Variants in FBXW10B observed in about 807,000 individuals in gnomAD.
FBXW10B encodes the protein F-box and WD repeat domain containing 10B.
At chr17:15,604,906 C>T in the FBXW10B span, among the ~76,000 whole-genome samples, 4 of 152,236 alleles carry the variant, frequency 2.6e-5, no homozygotes, top group Non-Finnish European at 5.9e-5. Context: ...CCACGTTCCC[C>T]TGAAAGAATC....
the FBXW10B span, chr17:15,613,757 A>AG: frequency 6.2e-7 from 1 of 1,613,678 alleles, no homozygotes; most frequent in East Asian, 2.2e-5. Flanking sequence ...AAAAAAAAAA[A>AG]AGATGGACCC....
the FBXW10B span, chr17:15,607,441 T>C: frequency 8.7e-6 from 6 of 688,488 alleles, no homozygotes; most frequent in Non-Finnish European, 1.2e-5. Flanking sequence ...TGGGATCATG[T>C]GCGAGTTTAG....
At chr17:15,591,071 G>C in the FBXW10B span, among the ~76,000 whole-genome samples, 37 of 151,170 alleles carry the variant, frequency 2.4e-4, no homozygotes, top group South Asian at 7.7e-3. Flanking sequence ...TGTTGTCCTA[G>C]GGCCCAGGTT....
chr17:15,576,050 G>A, the FBXW10B span, among the ~76,000 whole-genome samples: 9 of 152,198 alleles, frequency 5.9e-5, no homozygotes, highest in East Asian at 7.7e-4. Flanking sequence ...TTCCTAGTTC[G>A]GTTAAAATTG....
chr17:15,612,796 T>C, the FBXW10B span: 60 of 1,613,792 alleles, frequency 3.7e-5, no homozygotes, highest in Non-Finnish European at 4.8e-5. Context: ...TTGGCATAAT[T>C]AGGATCAATT....
the FBXW10B span, among the ~76,000 whole-genome samples, chr17:15,602,529 G>A: frequency 6.8e-6 from 1 of 147,064 alleles, no homozygotes; most frequent in African/African-American, 2.5e-5. Flanking sequence ...TGACCTAGAA[G>A]AGGGAAGAAT....
At chr17:15,608,852 A>G in the FBXW10B span, among the ~76,000 whole-genome samples, 1 of 152,200 alleles carries the variant, frequency 6.6e-6, no homozygotes, top group African/African-American at 2.4e-5. Context: ...TGTTCTCATT[A>G]TTTTACAGAT....
the FBXW10B span, among the ~76,000 whole-genome samples, chr17:15,583,009 TA>T: frequency 6.8e-6 from 1 of 147,782 alleles, no homozygotes; most frequent in African/African-American, 2.5e-5. Context: ...TGAGGTGAAT[TA>T]AACAAATGCT....
chr17:15,607,223 T>C, the FBXW10B span, among the ~76,000 whole-genome samples: 2 of 150,344 alleles, frequency 1.3e-5, no homozygotes, highest in African/African-American at 4.9e-5. Context: ...CCTTTCTCTA[T>C]ACATTTTCTG....
chr17:15,572,130 T>G, the FBXW10B span: 1 of 151,054 alleles, frequency 6.6e-6, no homozygotes, highest in Non-Finnish European at 1.5e-5. Flanking sequence ...ACACTTGCAA[T>G]GGGTAAATTT....
At chr17:15,618,850 G>C in the FBXW10B span, 2 of 985,090 alleles carry the variant, frequency 2.0e-6, no homozygotes, top group Non-Finnish European at 2.4e-6. Flanking sequence ...AAACAGGATC[G>C]GGTGTCAGGA....
At chr17:15,602,122 AAAAAAG>A in the FBXW10B span, among the ~76,000 whole-genome samples, 1 of 151,938 alleles carries the variant, frequency 6.6e-6, no homozygotes, top group African/African-American at 2.4e-5. Flanking sequence ...AAAAAAAAAA[AAAAAAG>A]AAAAGTGAAA....
the FBXW10B span, among the ~76,000 whole-genome samples, chr17:15,598,265 A>G: frequency 6.6e-6 from 1 of 152,076 alleles, no homozygotes; most frequent in Non-Finnish European, 1.5e-5. Flanking sequence ...AGTTATATCT[A>G]AAGGGCCATA....
the FBXW10B span, chr17:15,613,957 C>G: frequency 1.9e-6 from 3 of 1,565,586 alleles, no homozygotes; most frequent in Admixed American, 5.3e-5. Flanking sequence ...CGTACCCTGG[C>G]TTGGTTATGT....
chr17:15,615,850 G>A, the FBXW10B span: 2 of 1,613,210 alleles, frequency 1.2e-6, no homozygotes, highest in Admixed American at 1.7e-5. Flanking sequence ...TCTTGAAGTG[G>A]GTGTGTTGAG....
the FBXW10B span, among the ~76,000 whole-genome samples, chr17:15,600,852 A>T: frequency 6.7e-6 from 1 of 150,260 alleles, no homozygotes; most frequent in Non-Finnish European, 1.5e-5. Context: ...GATTGAGACC[A>T]TCCTGGCCAA....
At chr17:15,596,295 A>G in the FBXW10B span, among the ~76,000 whole-genome samples, 12 of 152,036 alleles carry the variant, frequency 7.9e-5, no homozygotes, top group East Asian at 2.1e-3. Context: ...TCCTCTACCA[A>G]CCCCATGATA....
At chr17:15,619,450 A>C in the FBXW10B span, 1 of 1,613,988 alleles carries the variant, frequency 6.2e-7, no homozygotes. Flanking sequence ...GAGGGATGGA[A>C]TCGGTTCCCT....
At chr17:15,584,041 G>C in the FBXW10B span, among the ~76,000 whole-genome samples, 1 of 152,178 alleles carries the variant, frequency 6.6e-6, no homozygotes, top group African/African-American at 2.4e-5. Context: ...GACAGTACGT[G>C]TCAAAATCCC....
Sources: allele counts gnomAD v4.1 joint callset (sites outside exome capture counted in the v4.1 genomes callset), GRCh38; gene constraint gnomAD v4.1.1; transcripts MANE v1.5; gene names NCBI Gene and HGNC (gene_info 2026-07-23, HGNC 2026-07-21).